SYT7: variants seen among roughly 807,000 people sequenced by gnomAD.
SYT7 encodes synaptotagmin 7, also known as synaptotagmin-7.
Under a neutral mutation model 75.1 loss-of-function variants are expected in SYT7, and 29 were observed. That is an observed-to-expected ratio of 0.39 (90% confidence interval 0.29 to 0.53). The LOEUF is 0.53. Ranked by LOEUF, SYT7 falls within the 20% of genes least tolerant of loss-of-function variation. The probability of loss-of-function intolerance (pLI) is 0.77; values close to 1 mark genes in which losing one functional copy is unlikely to be tolerated. For synonymous variants in SYT7, 376 were observed against 401.7 expected, an observed-to-expected ratio of 0.94 and a Z score of 0.76; for missense variants, 693 against 953.2, an observed-to-expected ratio of 0.73 and a Z score of 3.59.
At chr11:61,530,997 C>T (rs1293275005) in intron 8 of SYT7, 54 of 985,278 alleles carry the variant, frequency 5.5e-5, no homozygotes, top group Non-Finnish European at 6.0e-5. Flanking sequence ...GGTGTGGCCT[C>T]GCCTCTTCTC....
chr11:61,521,128 C>G (rs1408660004), intron 12 of SYT7, among the ~76,000 whole-genome samples: 4 of 152,234 alleles, frequency 2.6e-5, no homozygotes, highest in Non-Finnish European at 5.9e-5. Flanking sequence ...CCATGGCAAC[C>G]TCAGCCCAGC....
intron 2 of SYT7, among the ~76,000 whole-genome samples, chr11:61,552,088 T>C (rs2063367859): frequency 6.6e-6 from 1 of 151,978 alleles, no homozygotes; most frequent in Non-Finnish European, 1.5e-5. Context: ...GGAGGCAGCC[T>C]GGGCCCCTGC....
chr11:61,546,107 TGCCCGGCTCGCTGGGGGCA>T lies in SYT7; in HGVS notation c.477_495del (p.Pro161ValfsTer55). On this transcript the variant is annotated frameshift_variant, in exon 5 of 13. Transcript: ENST00000539008. LOFTEE classifies it high-confidence loss of function. The surrounding 1 kb of genome is among the most constrained non-coding windows in gnomAD (Gnocchi z 7.6). The stretch of plus-strand genomic sequence containing the variant: ...CGGCCTCTCCCCGCCTTGCCACCGC[TGCCCGGCTCGCTGGGGGCA>T]GCCCCGCCGCTTCTCAAGGCGTCCT... The T allele has an allele frequency of 6.5e-7, 1 of 1,530,580 alleles. No individual in the cohort carries two copies. Among genetic ancestry groups the T allele is most frequent in the Non-Finnish European group, 8.7e-7 (1 of 1,144,594 alleles). The allele number at this position is 1,530,580 out of a possible 1,614,324, so 94.8% of individuals were successfully genotyped here. A position where few individuals can be genotyped will look rare whatever the true frequency, so the allele number is the denominator to read the frequency against.
chr11:61,518,546 C>A lies in SYT7; in HGVS notation c.*81G>T. 2 of 1,044,312 alleles carry A rather than the reference C, an allele frequency of 1.9e-6. No homozygotes were observed. Among genetic ancestry groups the A allele is most frequent in the South Asian group, 1.8e-5 (1 of 54,428 alleles). The allele number at this position is 1,044,312 out of a possible 1,614,324, so 64.7% of individuals were successfully genotyped here. A position where few individuals can be genotyped will look rare whatever the true frequency, so the allele number is the denominator to read the frequency against. On this transcript the variant is annotated 3_prime_UTR_variant, in exon 13 of 13. Coordinates refer to ENST00000539008, the MANE Select transcript of SYT7 (RefSeq NM_001365809.2). ...CCTCCCCTCCCTATGGCAGGGGGCT[C>A]AGGCCGGGCGTTGTGCATAAAGTGG...
intron 1 of SYT7, among the ~76,000 whole-genome samples, chr11:61,557,352 A>G (rs57347248): frequency 0.12 from 18,779 of 152,168 alleles, 2,944 homozygotes; most frequent in African/African-American, 0.37. Flanking sequence ...AAGAGTTGAC[A>G]GTATCTGTCT....
rs550154095 is a variant in SYT7, at chr11:61,551,187, C to T, written c.215+197G>A. 1.4e-4 allele frequency among the ~76,000 whole-genome samples: 22 copies of T among 151,994 alleles called. No individual in the cohort carries two copies. In the South Asian group the frequency reaches 4.4e-3, roughly 30 times the overall value. ...GGAGGCCAGGGACTCCGGAGCACTA[C>T]GAGGGGCTTGGGCACAGGCAGAAAA... On this transcript the variant is annotated intron_variant, in intron 3 of 12. Coordinates refer to ENST00000539008, the MANE Select transcript of SYT7 (RefSeq NM_001365809.2). This position sits in a 1 kb window ranked among gnomAD's most constrained non-coding sequence, Gnocchi z 5.3.
rs1292441339 is a variant in SYT7 at position 61,576,580 on chromosome 11, C to T, written c.31+4210G>A. ...GACTGGGCCTCCCGCCCCCACGTGA[C>T]CCCTCCCAGCTCTTCTCCCTGCTGT... is the stretch of plus-strand genomic sequence containing the variant. On this transcript the variant is annotated intron_variant, in intron 1 of 12. Coordinates refer to ENST00000539008, the MANE Select transcript of SYT7 (RefSeq NM_001365809.2). The surrounding 1 kb of genome is among the most constrained non-coding windows in gnomAD (Gnocchi z 4.1). 6.6e-6 allele frequency among the ~76,000 whole-genome samples: 1 copy of T among 152,224 alleles called. No homozygotes were observed. Among genetic ancestry groups the T allele is most frequent in the Non-Finnish European group, 1.5e-5 (1 of 68,028 alleles).
At chr11:61,554,376 C>G (rs1487652519) in intron 2 of SYT7, among the ~76,000 whole-genome samples, 1 of 152,112 alleles carries the variant, frequency 6.6e-6, no homozygotes, top group Non-Finnish European at 1.5e-5. Flanking sequence ...AGCATTGACT[C>G]ACACAGGGAT....
chr11:61,520,169 T>C (rs1441414596), intron 12 of SYT7, among the ~76,000 whole-genome samples: 1 of 150,538 alleles, frequency 6.6e-6, no homozygotes, highest in African/African-American at 2.4e-5. Flanking sequence ...GGATTAAAGG[T>C]GTGAGCCACC....
In SYT7 at chr11:61,538,346, G is replaced by GGAGAGGGAGAGA. The variant is rs1555006884; in HGVS notation, c.942-81_942-80insTCTCTCCCTCTC. 12 of 203,284 alleles carry GGAGAGGGAGAGA rather than the reference G, an allele frequency of 5.9e-5. No individual in the cohort carries two copies. The East Asian group carries it at 6.4e-4, about 11-fold the overall frequency. The allele number at this position is 203,284 out of a possible 1,614,324, so 12.6% of individuals were successfully genotyped here. A position where few individuals can be genotyped will look rare whatever the true frequency, so the allele number is the denominator to read the frequency against. On this transcript the variant is annotated intron_variant, in intron 6 of 12. Transcript: ENST00000539008. ...GGGGGCAGGGGGGAAGGAGAGAGAG[G>GGAGAGGGAGAGA]GAGAGAGAGAGAGAGAGAGAGAGAG... is the stretch of plus-strand genomic sequence containing the variant.
intron 1 of SYT7, among the ~76,000 whole-genome samples, chr11:61,562,625 G>A (rs2063667655): frequency 6.6e-6 from 1 of 152,196 alleles, no homozygotes; most frequent in South Asian, 2.1e-4. Context: ...GATGGCAGAG[G>A]TCAGAGGTCA....
At position 61,523,285 on chromosome 11, in the gene SYT7, G is replaced by T; in HGVS notation, c.1757-11C>A. 6.2e-7 allele frequency: 1 copy of T among 1,613,858 alleles called. No homozygotes were observed. Among genetic ancestry groups the T allele is most frequent in the South Asian group, 1.1e-5 (1 of 91,070 alleles). On this transcript the variant is annotated splice_polypyrimidine_tract_variant and intron_variant, in intron 11 of 12. Transcript: ENST00000539008. This position sits in a 1 kb window ranked among gnomAD's most constrained non-coding sequence, Gnocchi z 5.0. ...CCTTCACGTAGGGGTCTAGGGGAGGGAGTGGGGAAGGGTTAGAGGGACCGT... is the reference window on the plus strand; with the variant it reads ...CCTTCACGTAGGGGTCTAGGGGAGGTAGTGGGGAAGGGTTAGAGGGACCGT...
intron 7 of SYT7, among the ~76,000 whole-genome samples, chr11:61,534,039 G>A (rs540413556): frequency 1.3e-5 from 2 of 152,272 alleles, no homozygotes; most frequent in East Asian, 3.9e-4. Context: ...CCCAGGCTCC[G>A]TTCAGCTGGG....
At chr11:61,577,362 C>T (rs1048637991) in intron 1 of SYT7, among the ~76,000 whole-genome samples, 9 of 152,196 alleles carry the variant, frequency 5.9e-5, no homozygotes, top group African/African-American at 1.2e-4. Flanking sequence ...GGGCATGTGC[C>T]GATGGGGCAG....
At position 61,538,272 on chromosome 11, in the gene SYT7, C is replaced by T. The variant is rs747950648; in HGVS notation, c.942-6G>A. The T allele has an allele frequency of 2.7e-6, 4 of 1,497,566 alleles. No homozygotes were observed. Among genetic ancestry groups the T allele is most frequent in the Non-Finnish European group, 3.6e-6 (4 of 1,121,878 alleles). The allele number at this position is 1,497,566 out of a possible 1,614,324, so 92.8% of individuals were successfully genotyped here. On this transcript the variant is annotated splice_region_variant and splice_polypyrimidine_tract_variant and intron_variant, in intron 6 of 12. Coordinates refer to ENST00000539008, the MANE Select transcript of SYT7 (RefSeq NM_001365809.2). ...GCACCACCATCCGGCCTTCCCTGCC[C>T]GGGGAGGGCAGCCCACAGGCCAGGG...
intron 12 of SYT7, among the ~76,000 whole-genome samples, 198 bp from the exon 13 acceptor site, chr11:61,518,929 C>T (rs2062224491): frequency 6.6e-6 from 1 of 152,214 alleles, no homozygotes; most frequent in Non-Finnish European, 1.5e-5. Context: ...GGTTGTCTAC[C>T]CCCACACCCC....
intron 6 of SYT7, 87 bp from the exon 7 acceptor site, chr11:61,538,353 GAGAGAGAGA>G (rs2062936750): frequency 3.5e-5 from 23 of 665,852 alleles, no homozygotes; most frequent in African/African-American, 1.2e-4. Flanking sequence ...GAGGGAGAGA[GAGAGAGAGA>G]GAGAGAGAGA....
At chr11:61,552,991 C>G (rs1486792367) in intron 2 of SYT7, among the ~76,000 whole-genome samples, 2 of 152,202 alleles carry the variant, frequency 1.3e-5, no homozygotes, top group Non-Finnish European at 2.9e-5. Flanking sequence ...TAGTGTGGAA[C>G]CTGGTACTGG....
At chr11:61,545,460 G>A (rs2135263961) in intron 5 of SYT7, among the ~76,000 whole-genome samples, 1 of 152,378 alleles carries the variant, frequency 6.6e-6, no homozygotes, top group Admixed American at 6.5e-5. Flanking sequence ...GCAGCCTGCG[G>A]CTGCTCGTGA....
Sources: gnomAD v4.1 joint callset for allele counts (sites outside exome capture counted in the v4.1 genomes callset) on GRCh38, gnomAD v4.1.1 for gene constraint, Gnocchi (gnomAD v3.1) non-coding constraint, MANE v1.5 for transcripts, NCBI Gene and HGNC (gene_info 2026-07-23, HGNC 2026-07-21) for gene names.